The following ZNF385D variants were observed in gnomAD, a reference collection of about 807,000 sequenced individuals.
ZNF385D encodes zinc finger protein 385D.
Under a neutral mutation model 35.8 loss-of-function variants are expected in ZNF385D, and 15 were observed. That is an observed-to-expected ratio of 0.42 (90% CI 0.28 to 0.64). ZNF385D has a LOEUF of 0.64. Ranked by LOEUF, ZNF385D falls within the 30% of genes least tolerant of loss-of-function variation. The pLI, the probability that ZNF385D is intolerant of heterozygous loss-of-function variation, is 0.23. For missense variants in ZNF385D, 474 were observed against 494.6 expected, an observed-to-expected ratio of 0.96 and a Z score of 0.39; for synonymous variants, 212 against 186.8, an observed-to-expected ratio of 1.13 and a Z score of -1.10.
At chr3:21,889,766 G>C (rs1698746547) in intron 3 of ZNF385D, among the ~76,000 whole-genome samples, 1 of 152,120 alleles carries the variant, frequency 6.6e-6, no homozygotes, top group South Asian at 2.1e-4. Context: ...GAATGGCTTA[G>C]AAACAGAAAT....
At chr3:22,006,816 C>T (rs1055618035) in intron 3 of ZNF385D, among the ~76,000 whole-genome samples, 1 of 151,530 alleles carries the variant, frequency 6.6e-6, no homozygotes, top group East Asian at 1.9e-4. Flanking sequence ...TAAAAGGGAA[C>T]ACAGGGACCA....
At chr3:21,566,762 C>A (rs2063162118) in intron 2 of ZNF385D, among the ~76,000 whole-genome samples, 1 of 152,104 alleles carries the variant, frequency 6.6e-6, no homozygotes, top group East Asian at 1.9e-4. Flanking sequence ...TGAAATGTGA[C>A]AAATGCATAG....
At chr3:21,903,006 C>T (rs1466346397) in intron 3 of ZNF385D, among the ~76,000 whole-genome samples, 3 of 152,092 alleles carry the variant, frequency 2.0e-5, no homozygotes, top group Non-Finnish European at 4.4e-5. Context: ...TCAAACTTCA[C>T]CATTGGTCTA....
chr3:21,867,725 T>C (rs1356866260), intron 3 of ZNF385D, among the ~76,000 whole-genome samples: 1 of 132,346 alleles, frequency 7.6e-6, no homozygotes, highest in Non-Finnish European at 1.6e-5. Context: ...AGAGGCAATA[T>C]GTTTTAGTAG....
intron 2 of ZNF385D, among the ~76,000 whole-genome samples, chr3:22,215,724 C>T (rs1697834270): frequency 6.6e-6 from 1 of 151,992 alleles, no homozygotes; most frequent in Non-Finnish European, 1.5e-5. Flanking sequence ...CCTTGTGAAG[C>T]ATGTGATCTC....
intron 3 of ZNF385D, among the ~76,000 whole-genome samples, chr3:22,006,520 A>G (rs1364975441): frequency 1.3e-5 from 2 of 152,104 alleles, no homozygotes; most frequent in African/African-American, 4.8e-5. Flanking sequence ...GATTACAGTA[A>G]TAAATGAAGA....
intron 2 of ZNF385D, among the ~76,000 whole-genome samples, chr3:21,591,689 CT>C: frequency 6.6e-6 from 1 of 152,274 alleles, no homozygotes; most frequent in African/African-American, 2.4e-5. Flanking sequence ...GCAGGAAGCA[CT>C]CCGCTTCTGA....
rs1364372318 is a variant in ZNF385D at position 21,583,805 on chromosome 3, A to AAT, written c.166-19122_166-19121insAT. Among the ~76,000 whole-genome samples, 44 of 150,888 alleles carry AAT rather than the reference A, an allele frequency of 2.9e-4. 1 individual carries two copies. Among genetic ancestry groups the AAT allele is most frequent in the African/African-American group, 1.0e-3 (43 of 41,346 alleles). On this transcript the variant is annotated intron_variant, in intron 2 of 7. Transcript: ENST00000281523. ...AAATATTCTATTATGTTATAACTAT[A>AAT]CATAGTATGTTTCCACTTTTATGTT...
At chr3:21,617,503 A>G (rs185090496) in intron 2 of ZNF385D, among the ~76,000 whole-genome samples, 88 of 152,312 alleles carry the variant, frequency 5.8e-4, no homozygotes, top group African/African-American at 2.0e-3. Flanking sequence ...ATAATCCCCA[A>G]TGCTTTATGT....
intron 1 of ZNF385D, among the ~76,000 whole-genome samples, chr3:21,671,421 G>A (rs1468719692): frequency 6.6e-6 from 1 of 152,138 alleles, no homozygotes; most frequent in Non-Finnish European, 1.5e-5. Context: ...TAAAGCTAGA[G>A]AATATAGATA....
chr3:22,249,213 G>T (rs1699942299), intron 2 of ZNF385D, among the ~76,000 whole-genome samples: 1 of 152,126 alleles, frequency 6.6e-6, no homozygotes, highest in Admixed American at 6.6e-5. Context: ...TGCCATGGCT[G>T]CTGTCTTATA....
At chr3:21,966,237 G>C (rs1702906173) in intron 3 of ZNF385D, among the ~76,000 whole-genome samples, 1 of 152,170 alleles carries the variant, frequency 6.6e-6, no homozygotes, top group Non-Finnish European at 1.5e-5. Flanking sequence ...GCTTGAATGA[G>C]CTGAAAAACA....
At chr3:22,173,783 C>G (rs1464854013) in intron 2 of ZNF385D, among the ~76,000 whole-genome samples, 1 of 152,108 alleles carries the variant, frequency 6.6e-6, no homozygotes, top group African/African-American at 2.4e-5. Flanking sequence ...GGCTCCCCAG[C>G]CCTCTGTGAA....
rs76685605 is a variant in ZNF385D at position 21,832,602 on chromosome 3, G to A, written c.326-167574C>T. ...CTCCAGACAATGCCCTGTGTAACCGGTAAATACATTTGAAATTTGCATTAT... is the reference window on the plus strand; with the variant it reads ...CTCCAGACAATGCCCTGTGTAACCGATAAATACATTTGAAATTTGCATTAT... On this transcript the variant is annotated intron_variant, in intron 3 of 5. Coordinates refer to the ZNF385D transcript ENST00000494108. Among the ~76,000 whole-genome samples, 400 of 152,276 alleles carry A rather than the reference G, an allele frequency of 2.6e-3. 1 individual carries two copies. The highest frequency in any genetic ancestry group is 9.1e-3 in the African/African-American group (378 of 41,554).
At chr3:22,267,819 T>C (rs1234935668) in intron 2 of ZNF385D, among the ~76,000 whole-genome samples, 1 of 151,968 alleles carries the variant, frequency 6.6e-6, no homozygotes, top group Non-Finnish European at 1.5e-5. Flanking sequence ...ATTACCAATA[T>C]ACTCAATGTA....
intron 3 of ZNF385D, among the ~76,000 whole-genome samples, chr3:21,895,456 A>C (rs1282958593): frequency 6.6e-6 from 1 of 150,688 alleles, no homozygotes; most frequent in African/African-American, 2.4e-5. Context: ...CCTCCTGAGA[A>C]GCTGGGGACT....
At chr3:21,866,896 T>A (rs73040522) in intron 3 of ZNF385D, among the ~76,000 whole-genome samples, 10,676 of 152,192 alleles carry the variant, frequency 0.07, 556 homozygotes, top group East Asian at 0.21. Flanking sequence ...AAATTTCTTA[T>A]CAGTGCCTAT....
chr3:22,248,453 G>A (rs1274410662), intron 2 of ZNF385D, among the ~76,000 whole-genome samples: 3 of 152,150 alleles, frequency 2.0e-5, no homozygotes, highest in Non-Finnish European at 4.4e-5. Flanking sequence ...AAGAGCTATA[G>A]AGTGAGGCAG....
chr3:21,786,569 A>C (rs1360813088), intron 3 of ZNF385D, among the ~76,000 whole-genome samples: 2 of 152,178 alleles, frequency 1.3e-5, no homozygotes, highest in Non-Finnish European at 2.9e-5. Flanking sequence ...TCTTTGAATC[A>C]ATCTATGCTA....
Sources: gnomAD v4.1 joint callset for allele counts (sites outside exome capture counted in the v4.1 genomes callset) on GRCh38, gnomAD v4.1.1 for gene constraint, MANE v1.5 for transcripts, NCBI Gene and HGNC (gene_info 2026-07-23, HGNC 2026-07-21) for gene names.